The following KCNH1 variants were observed in gnomAD, a reference collection of about 807,000 sequenced individuals.
KCNH1 encodes the protein potassium voltage-gated channel subfamily H member 1.
Under a neutral mutation model 69.2 loss-of-function variants are expected in KCNH1, and 27 were observed. The observed-to-expected ratio is 0.39, with a 90% CI of 0.29 to 0.54. KCNH1 has a LOEUF of 0.54. KCNH1 is among the 20% of genes least tolerant of loss of function. The pLI is 0.68. For synonymous variants in KCNH1, 456 were observed against 487.7 expected (o/e 0.93, Z 0.86); for missense variants, 798 against 1,261.6 (o/e 0.63, Z 5.57).
chr1:210,819,232 A>G (rs1406079512), intron 7 of KCNH1, among the ~76,000 whole-genome samples: 1 of 152,196 alleles, frequency 6.6e-6, no homozygotes, highest in African/African-American at 2.4e-5. Flanking sequence ...GGAAATAATC[A>G]TAGGCTAGAG....
At chr1:211,031,470 T>G (rs568298042) in intron 5 of KCNH1, among the ~76,000 whole-genome samples, 10 of 152,300 alleles carry the variant, frequency 6.6e-5, no homozygotes, top group African/African-American at 2.2e-4. Context: ...ATATCCCTGA[T>G]GAACATTGAT....
chr1:210,797,823 C>T, intron 8 of KCNH1, 63 bp from the exon 9 acceptor site: 1 of 1,562,296 alleles, frequency 6.4e-7, no homozygotes, highest in Non-Finnish European at 8.7e-7. Context: ...CCACATCCTT[C>T]AGCACTCTAG....
At chr1:210,911,272 G>C (rs1443367943) in intron 7 of KCNH1, among the ~76,000 whole-genome samples, 1 of 152,010 alleles carries the variant, frequency 6.6e-6, no homozygotes, top group East Asian at 1.9e-4. Context: ...CTCCTCACTG[G>C]GGAGACACCC....
chr1:211,082,718 T>C, intron 5 of KCNH1, 62 bp downstream of exon 5: 1 of 1,311,612 alleles, frequency 7.6e-7, no homozygotes, highest in South Asian at 1.3e-5. Flanking sequence ...TTTTGTGCCA[T>C]TGCCTCAGCC....
intron 3 of KCNH1, among the ~76,000 whole-genome samples, chr1:211,100,336 T>C (rs995724498): frequency 6.6e-6 from 1 of 152,112 alleles, no homozygotes; most frequent in Non-Finnish European, 1.5e-5. Context: ...ATATTACTTC[T>C]CATGTATTTA....
At chr1:210,758,504 T>C (rs1683445769) in intron 10 of KCNH1, among the ~76,000 whole-genome samples, 1 of 152,170 alleles carries the variant, frequency 6.6e-6, no homozygotes, top group African/African-American at 2.4e-5. Context: ...GACAGTGGCC[T>C]ACCAGCTGAG....
intron 7 of KCNH1, among the ~76,000 whole-genome samples, chr1:210,839,551 A>G (rs1208395928): frequency 6.6e-6 from 1 of 152,132 alleles, no homozygotes; most frequent in Non-Finnish European, 1.5e-5. Flanking sequence ...TGTGTAACAA[A>G]CCCACACATC....
intron 10 of KCNH1, among the ~76,000 whole-genome samples, chr1:210,690,404 G>T (rs1332100341): frequency 6.6e-6 from 1 of 152,136 alleles, no homozygotes; most frequent in Non-Finnish European, 1.5e-5. Context: ...TTGAGTGGCC[G>T]AGCGTCAGAA....
At chr1:211,031,009 C>G (rs2102422774) in intron 5 of KCNH1, among the ~76,000 whole-genome samples, 2 of 152,152 alleles carry the variant, frequency 1.3e-5, no homozygotes, top group Middle Eastern at 6.8e-3. Flanking sequence ...ATTAGCCATT[C>G]AGGAAATGCA....
intron 5 of KCNH1, among the ~76,000 whole-genome samples, chr1:211,074,518 T>C (rs544039140): frequency 1.1e-4 from 16 of 152,324 alleles, no homozygotes; most frequent in African/African-American, 3.8e-4. Flanking sequence ...GGAAGTATGA[T>C]TTTCTTATTG....
At position 210,832,921 on chromosome 1, in the gene KCNH1, T is replaced by TATATATATATATAC. The variant is rs10693882; in HGVS notation, c.1463-28756_1463-28755insGTATATATATATAT. Among the ~76,000 whole-genome samples, 403 of 144,288 alleles carry TATATATATATATAC rather than the reference T, an allele frequency of 2.8e-3. 5 individuals are homozygous for TATATATATATATAC. Among genetic ancestry groups the TATATATATATATAC allele is most frequent in the African/African-American group, 6.6e-3 (265 of 40,172 alleles). The allele number at this position is 144,288 out of a possible 152,430, so 94.7% of individuals were successfully genotyped here. On this transcript the variant is annotated intron_variant, in intron 7 of 10. Transcript: ENST00000271751. Reference sequence around the variant, plus strand: ...TTTCTCAAATACATATATATATATATACATATAAATTGAATTTGAGGAAGT... The same window carrying TATATATATATATAC: ...TTTCTCAAATACATATATATATATATATATATATATATACACATATAAATTGAATTTGAGGAAGT...
At chr1:210,689,928 T>G (rs1475660536) in intron 10 of KCNH1, among the ~76,000 whole-genome samples, 1 of 152,200 alleles carries the variant, frequency 6.6e-6, no homozygotes, top group Admixed American at 6.5e-5. Context: ...TCAGAACCCC[T>G]GGATGGATGG....
At chr1:210,859,041 T>G in intron 7 of KCNH1, 4 of 531,640 alleles carry the variant, frequency 7.5e-6, no homozygotes, top group Non-Finnish European at 6.8e-6. Flanking sequence ...GGGGTTGTTG[T>G]TGTTGTGATT....
At chr1:211,075,373 C>T (rs1317113524) in intron 5 of KCNH1, among the ~76,000 whole-genome samples, 4 of 152,196 alleles carry the variant, frequency 2.6e-5, no homozygotes, top group East Asian at 1.9e-4. Context: ...ATATTCAGAA[C>T]ATTCTTTGTG....
At chr1:210,959,895 C>T (rs1036555616) in intron 6 of KCNH1, among the ~76,000 whole-genome samples, 5 of 152,222 alleles carry the variant, frequency 3.3e-5, no homozygotes, top group East Asian at 3.9e-4. Flanking sequence ...TGCTTCAGCT[C>T]GCCCTCCATG....
chr1:210,959,213 A>C (rs1230649176), intron 6 of KCNH1, among the ~76,000 whole-genome samples: 1 of 152,198 alleles, frequency 6.6e-6, no homozygotes, highest in African/African-American at 2.4e-5. Context: ...GGTCCACTCC[A>C]GACCCTGTAT....
intron 7 of KCNH1, among the ~76,000 whole-genome samples, chr1:210,867,003 G>A (rs1379822889): frequency 6.6e-6 from 1 of 151,976 alleles, no homozygotes; most frequent in African/African-American, 2.4e-5. Context: ...AGTGAAATAA[G>A]CCAGTCACAA....
chr1:210,898,309 A>T (rs1003686907), intron 7 of KCNH1, among the ~76,000 whole-genome samples: 2 of 152,172 alleles, frequency 1.3e-5, no homozygotes, highest in African/African-American at 2.4e-5. Context: ...AGGGCAAAAA[A>T]ATATGCCATT....
chr1:210,807,614 A>G (rs1391332801), intron 7 of KCNH1, among the ~76,000 whole-genome samples: 1 of 151,524 alleles, frequency 6.6e-6, no homozygotes, highest in South Asian at 2.1e-4. Context: ...GACTGTCTCA[A>G]AAAGATAAAT....
Sources: gnomAD v4.1 joint callset for allele counts (sites outside exome capture counted in the v4.1 genomes callset) on GRCh38, gnomAD v4.1.1 for gene constraint, MANE v1.5 for transcripts, NCBI Gene and HGNC (gene_info 2026-07-23, HGNC 2026-07-21) for gene names.